TMEM17: variants seen among roughly 807,000 people sequenced by gnomAD.
TMEM17 encodes transmembrane protein 17.
A neutral mutation model predicts 19.1 loss-of-function variants in TMEM17; 15 were observed. That is an observed-to-expected ratio of 0.78 (90% CI 0.52 to 1.21). The LOEUF is 1.21. TMEM17 is among the 50% of genes most tolerant of loss of function. The probability of loss-of-function intolerance (pLI) is 0.00; values close to 1 mark genes in which losing one functional copy is unlikely to be tolerated. For synonymous variants in TMEM17, 103 were observed against 86.9 expected, an observed-to-expected ratio of 1.19 and a Z score of -1.03; for missense variants, 245 against 242.3, an observed-to-expected ratio of 1.01 and a Z score of -0.07.
At chr2:62,453,548 G>A in the TMEM17 span, among the ~76,000 whole-genome samples, 292 of 152,222 alleles carry the variant, frequency 1.9e-3, 1 homozygote, top group African/African-American at 6.6e-3. Flanking sequence ...TTCTGTTCCT[G>A]TTTTGGCCAC....
the TMEM17 span, among the ~76,000 whole-genome samples, chr2:62,480,882 T>C: frequency 2.6e-5 from 4 of 152,186 alleles, no homozygotes; most frequent in African/African-American, 9.6e-5. Flanking sequence ...TACTTTTCCC[T>C]GAGGAGGCTA....
the TMEM17 span, among the ~76,000 whole-genome samples, chr2:62,483,534 G>T: frequency 1.3e-5 from 2 of 151,594 alleles, no homozygotes; most frequent in Non-Finnish European, 1.5e-5. Context: ...ATTCTAGTCA[G>T]TCCCCCAAAT....
the TMEM17 span, among the ~76,000 whole-genome samples, chr2:62,457,160 G>C: frequency 2.0e-5 from 3 of 152,370 alleles, no homozygotes; most frequent in East Asian, 5.8e-4. The surrounding 1 kb of genome is among the most constrained non-coding windows in gnomAD (Gnocchi z 4.2). Context: ...GGCTGGGCTG[G>C]CCGAGAGCCG....
chr2:62,466,356 C>T, the TMEM17 span, among the ~76,000 whole-genome samples: 1 of 152,152 alleles, frequency 6.6e-6, no homozygotes, highest in Non-Finnish European at 1.5e-5. Flanking sequence ...GCTCAGCCTG[C>T]TTCCTGCCTG....
chr2:62,465,501 A>G, the TMEM17 span, among the ~76,000 whole-genome samples: 62 of 152,132 alleles, frequency 4.1e-4, no homozygotes, highest in Non-Finnish European at 4.4e-4. Context: ...AACCGGGTAC[A>G]GTAGCTCAGG....
chr2:62,476,664 AAAG>A, the TMEM17 span, among the ~76,000 whole-genome samples: 1 of 152,246 alleles, frequency 6.6e-6, no homozygotes, highest in Non-Finnish European at 1.5e-5. Context: ...AAGAGATGGA[AAAG>A]AAGAAGAGCA....
chr2:62,484,323 A>G, the TMEM17 span, among the ~76,000 whole-genome samples: 1 of 152,050 alleles, frequency 6.6e-6, no homozygotes, highest in Non-Finnish European at 1.5e-5. Flanking sequence ...CATTTTTAGC[A>G]TGGGCCCCTT....
the TMEM17 span, chr2:62,491,159 C>T: frequency 6.6e-5 from 10 of 150,450 alleles, no homozygotes; most frequent in Admixed American, 3.3e-4. Context: ...GTGCCTGCCA[C>T]GCAATAGAAC....
At chr2:62,481,252 G>A in the TMEM17 span, among the ~76,000 whole-genome samples, 9 of 151,870 alleles carry the variant, frequency 5.9e-5, no homozygotes, top group African/African-American at 1.9e-4. Context: ...CTTGTTCATT[G>A]CATATAGAAA....
chr2:62,494,911 A>T, the TMEM17 span, among the ~76,000 whole-genome samples: 1 of 152,196 alleles, frequency 6.6e-6, no homozygotes, highest in African/African-American at 2.4e-5. Flanking sequence ...AGCTACCGGG[A>T]GGCTGAGGCA....
At chr2:62,474,745 C>A in the TMEM17 span, among the ~76,000 whole-genome samples, 1 of 152,054 alleles carries the variant, frequency 6.6e-6, no homozygotes. Context: ...AGGAAAACTA[C>A]CCTAAACCCA....
downstream of TMEM17, among the ~76,000 whole-genome samples, chr2:62,499,775 C>A (rs576152828): frequency 5.3e-4 from 80 of 152,230 alleles, no homozygotes; most frequent in African/African-American, 1.8e-3. Flanking sequence ...TATGAAGGCC[C>A]ATTTCCCTAT....
chr2:62,469,029 C>G, the TMEM17 span, among the ~76,000 whole-genome samples: 5 of 152,016 alleles, frequency 3.3e-5, no homozygotes, highest in East Asian at 5.8e-4. Context: ...GTCATTGCAT[C>G]CCCAGATGGC....
chr2:62,502,835 G>C (rs760226351), intron 1 of TMEM17, 41 bp from the exon 2 acceptor site: 3 of 1,263,132 alleles, frequency 2.4e-6, no homozygotes. Context: ...TGAATCTTGG[G>C]TTTATGCCCT....
At chr2:62,489,134 T>C in the TMEM17 span, among the ~76,000 whole-genome samples, 2 of 152,202 alleles carry the variant, frequency 1.3e-5, no homozygotes, top group Non-Finnish European at 2.9e-5. Flanking sequence ...TCCTAGGATG[T>C]GTTTTCCCTG....
At chr2:62,490,805 G>A in the TMEM17 span, among the ~76,000 whole-genome samples, 1 of 152,018 alleles carries the variant, frequency 6.6e-6, no homozygotes, top group South Asian at 2.1e-4. Context: ...CAAATGGCGT[G>A]GTGGCTCACG....
At chr2:62,465,494 C>T in the TMEM17 span, among the ~76,000 whole-genome samples, 2 of 151,952 alleles carry the variant, frequency 1.3e-5, no homozygotes, top group South Asian at 2.1e-4. Flanking sequence ...ACTCAGCAAC[C>T]GGGTACAGTA....
downstream of TMEM17, among the ~76,000 whole-genome samples, chr2:62,498,744 A>C (rs1025343726): frequency 6.6e-6 from 1 of 151,606 alleles, no homozygotes; most frequent in Non-Finnish European, 1.5e-5. Flanking sequence ...AATAAAATAA[A>C]ATAAAATAAT....
the TMEM17 span, among the ~76,000 whole-genome samples, chr2:62,482,153 A>C: frequency 6.6e-6 from 1 of 152,208 alleles, no homozygotes; most frequent in African/African-American, 2.4e-5. Context: ...TTAACTTCCA[A>C]ATCTCACACA....
Sources: allele counts gnomAD v4.1 joint callset (sites outside exome capture counted in the v4.1 genomes callset), GRCh38; gene constraint gnomAD v4.1.1; non-coding constraint Gnocchi (gnomAD v3.1); transcripts MANE v1.5; gene names NCBI Gene and HGNC (gene_info 2026-07-23, HGNC 2026-07-21).